The following RERE variants were observed in gnomAD, a reference collection of about 807,000 sequenced individuals.
The protein encoded by RERE is arginine-glutamic acid dipeptide repeats protein.
In RERE, 40 loss-of-function variants were observed where a neutral mutation model predicts 146.1. That is an observed-to-expected ratio of 0.27 (90% CI 0.21 to 0.36). The LOEUF is 0.36. Among genes scored for constraint, RERE ranks in the 10% least tolerant of loss-of-function variants. The pLI, the probability that RERE is intolerant of heterozygous loss-of-function variation, is 1.00. For synonymous variants in RERE, 1,003 were observed against 866.0 expected (o/e 1.16, Z -2.78); for missense variants, 1,933 against 2,138.7 (o/e 0.90, Z 1.90).
intron 4 of RERE, among the ~76,000 whole-genome samples, chr1:8,603,411 T>C (rs774368357): frequency 4.6e-5 from 7 of 152,242 alleles, no homozygotes; most frequent in Middle Eastern, 3.2e-3. Context: ...TCCAGCCGTC[T>C]ACACAAACCA....
At chr1:8,483,476 T>TA (rs545508166) in intron 10 of RERE, among the ~76,000 whole-genome samples, 240 of 152,320 alleles carry the variant, frequency 1.6e-3, no homozygotes, top group African/African-American at 5.6e-3. Context: ...TCTATGGACT[T>TA]AATTTTTTAG....
At chr1:8,670,290 A>C (rs1236881500) in intron 1 of RERE, among the ~76,000 whole-genome samples, 2 of 152,218 alleles carry the variant, frequency 1.3e-5, no homozygotes, top group Non-Finnish European at 2.9e-5. Flanking sequence ...ATAACACTTA[A>C]ATGTAGTTAT....
At chr1:8,721,794 T>C (rs899815762) in intron 1 of RERE, among the ~76,000 whole-genome samples, 5 of 152,206 alleles carry the variant, frequency 3.3e-5, no homozygotes, top group African/African-American at 1.2e-4. Flanking sequence ...ATATGTAAGA[T>C]GGGTCCCTCA....
At position 8,541,148 on chromosome 1, in the gene RERE, T is replaced by C. The variant is rs564396981; in HGVS notation, c.830+66A>G. On this transcript the variant is annotated intron_variant, in intron 7 of 22. Transcript: ENST00000400908. ...AGCATAAACTACACACACACACACA[T>C]ACACACACACACAAATGAGAAAAGG... The C allele has an allele frequency of 8.5e-5, 68 of 803,144 alleles. No homozygotes were observed. The highest frequency in any genetic ancestry group is 2.9e-4 in the African/African-American group (17 of 57,804). 49.8% of individuals were successfully genotyped at this position (803,144 alleles called of 1,614,324 possible). A position where few individuals can be genotyped will look rare whatever the true frequency, so the allele number is the denominator to read the frequency against.
intron 1 of RERE, among the ~76,000 whole-genome samples, chr1:8,669,237 G>A (rs777481344): frequency 7.9e-5 from 12 of 151,944 alleles, no homozygotes; most frequent in African/African-American, 1.7e-4. Context: ...CACCACACCC[G>A]GCTAATTTTT....
At position 8,364,837 on chromosome 1, in the gene RERE, C is replaced by T. The variant is rs770023640; in HGVS notation, c.1449G>A (p.Leu483=). 1 of 1,589,104 alleles carries T rather than the reference C, an allele frequency of 6.3e-7. No homozygotes were observed. Among genetic ancestry groups the T allele is most frequent in the Non-Finnish European group, 8.6e-7 (1 of 1,164,300 alleles). Residue 483 remains leucine, a splice_region_variant and synonymous_variant, in exon 14 of 23, where the codon TTG becomes TTA. Transcript: ENST00000400908. The surrounding 1 kb of genome is among the most constrained non-coding windows in gnomAD (Gnocchi z 5.1). ...TPSRPPSSEF[L]DLSSASEDDF... Reference sequence around the variant, plus strand: ...CATCTTCACTGGCTGAACTTAGGTCCACTGGGCGTGGCAGGCACATAGTGG... The same window carrying T: ...CATCTTCACTGGCTGAACTTAGGTCTACTGGGCGTGGCAGGCACATAGTGG...
intron 12 of RERE, among the ~76,000 whole-genome samples, chr1:8,399,198 T>C (rs962145825): frequency 1.3e-5 from 2 of 152,060 alleles, no homozygotes; most frequent in African/African-American, 4.8e-5. Flanking sequence ...TGGTTTCCTA[T>C]AAAACACAGA....
chr1:8,601,772 C>CAA (rs1553119585), intron 4 of RERE, among the ~76,000 whole-genome samples: 4 of 138,888 alleles, frequency 2.9e-5, no homozygotes, highest in African/African-American at 1.0e-4. Context: ...CACACACACA[C>CAA]ACACAAACAC....
chr1:8,592,318 G>A (rs1458255105), intron 4 of RERE, among the ~76,000 whole-genome samples: 1 of 152,072 alleles, frequency 6.6e-6, no homozygotes, highest in Non-Finnish European at 1.5e-5. Flanking sequence ...CAGGCTGGAT[G>A]GAGTGCGATG....
intron 4 of RERE, among the ~76,000 whole-genome samples, chr1:8,589,276 C>T (rs1244964677): frequency 6.6e-6 from 1 of 152,018 alleles, no homozygotes; most frequent in African/African-American, 2.4e-5. Flanking sequence ...CTGGTCTCTA[C>T]TAAAAATAAA....
chr1:8,800,826 G>A (rs1356714538), intron 1 of RERE, among the ~76,000 whole-genome samples: 1 of 152,076 alleles, frequency 6.6e-6, no homozygotes, highest in Non-Finnish European at 1.5e-5. Context: ...TTAGCTGGGT[G>A]TGGTGGCACA....
intron 12 of RERE, among the ~76,000 whole-genome samples, chr1:8,375,777 G>A (rs1642222904): frequency 2.0e-5 from 3 of 151,172 alleles, no homozygotes; most frequent in Admixed American, 6.6e-5. Flanking sequence ...TCCTCACTCA[G>A]CAGCCACTGA....
At chr1:8,495,581 G>C (rs1321011592) in intron 9 of RERE, among the ~76,000 whole-genome samples, 1 of 152,108 alleles carries the variant, frequency 6.6e-6, no homozygotes, top group Non-Finnish European at 1.5e-5. Flanking sequence ...TAAAGTGCTG[G>C]GATTACAGGC....
At chr1:8,362,884 A>C in intron 15 of RERE, 40 bp from the exon 16 acceptor site, 1 of 1,584,504 alleles carries the variant, frequency 6.3e-7, no homozygotes, top group South Asian at 1.2e-5. Context: ...CCAGATTCCC[A>C]GTCCCCATGT....
intron 1 of RERE, among the ~76,000 whole-genome samples, chr1:8,665,438 C>A (rs1193261999): frequency 6.6e-6 from 1 of 152,156 alleles, no homozygotes; most frequent in East Asian, 1.9e-4. Flanking sequence ...TCCTTCCCAC[C>A]CTCTCACACA....
rs181425669 is a variant in RERE, at chr1:8,715,970, G to T, written c.-144-59529C>A. Among the ~76,000 whole-genome samples the T allele has an allele frequency of 4.6e-5, 7 of 152,148 alleles. No individual in the cohort carries two copies. The East Asian group carries it at 1.4e-3, about 29-fold the overall frequency. On this transcript the variant is annotated intron_variant, in intron 1 of 22. Transcript: ENST00000400908. ...ATTACTCATTGGGTAAACTCAGCAAGTGATGTCTAAAATAGAAAATAAAAA... is the reference window on the plus strand; with the variant it reads ...ATTACTCATTGGGTAAACTCAGCAATTGATGTCTAAAATAGAAAATAAAAA...
At chr1:8,789,301 A>AAAAAAAAAAAT in intron 1 of RERE, among the ~76,000 whole-genome samples, 287 of 24,782 alleles carry the variant, frequency 0.012, 8 homozygotes, top group Middle Eastern at 0.022. Flanking sequence ...AAAAAAAAAA[A>AAAAAAAAAAAT]ATATATATAT....
chr1:8,628,796 A>G (rs371676094), intron 2 of RERE, among the ~76,000 whole-genome samples: 1 of 152,242 alleles, frequency 6.6e-6, no homozygotes, highest in East Asian at 1.9e-4. Context: ...GTAATCTTTT[A>G]AAGCCAAAAT....
chr1:8,710,100 G>T (rs1639636956), intron 1 of RERE, among the ~76,000 whole-genome samples: 1 of 152,138 alleles, frequency 6.6e-6, no homozygotes, highest in African/African-American at 2.4e-5. Flanking sequence ...CCACTCTCAA[G>T]CTGTTTCTGT....
Sources: allele counts gnomAD v4.1 joint callset (sites outside exome capture counted in the v4.1 genomes callset), GRCh38; gene constraint gnomAD v4.1.1; non-coding constraint Gnocchi (gnomAD v3.1); transcripts MANE v1.5; gene names NCBI Gene and HGNC (gene_info 2026-07-23, HGNC 2026-07-21).